Variants in RPSA2 observed in about 807,000 individuals in gnomAD.
RPSA2 encodes ribosomal protein SA 2.
the RPSA2 span, chr19:23,833,444 G>A: frequency 1.2e-5 from 2 of 162,984 alleles, no homozygotes; most frequent in Admixed American, 1.2e-4. Flanking sequence ...TAAACATAAA[G>A]AAAATCATGC....
At chr19:23,807,641 CTT>C in the RPSA2 span, among the ~76,000 whole-genome samples, 1 of 109,830 alleles carries the variant, frequency 9.1e-6, no homozygotes, top group Non-Finnish European at 2.0e-5. Context: ...ATGCCACTCT[CTT>C]TTCTCAGAGT....
chr19:23,870,251 T>G, the RPSA2 span, among the ~76,000 whole-genome samples: 2 of 152,196 alleles, frequency 1.3e-5, no homozygotes, highest in Non-Finnish European at 2.9e-5. Context: ...GCTCAGTATG[T>G]AGAGGACTGG....
At chr19:23,829,506 G>A in the RPSA2 span, among the ~76,000 whole-genome samples, 1 of 152,056 alleles carries the variant, frequency 6.6e-6, no homozygotes. Context: ...TCTCCATGTT[G>A]GTCAGGCTAG....
chr19:23,860,263 C>T, the RPSA2 span, among the ~76,000 whole-genome samples: 2 of 152,190 alleles, frequency 1.3e-5, no homozygotes, highest in Non-Finnish European at 1.5e-5. Context: ...ACACGACCCT[C>T]CCAAACTATA....
chr19:23,791,099 G>A, the RPSA2 span, among the ~76,000 whole-genome samples: 1 of 152,192 alleles, frequency 6.6e-6, no homozygotes, highest in African/African-American at 2.4e-5. Context: ...TCCTGACTCA[G>A]GGTTATTAAA....
the RPSA2 span, among the ~76,000 whole-genome samples, chr19:23,794,793 A>G: frequency 6.6e-6 from 1 of 152,168 alleles, no homozygotes; most frequent in Admixed American, 6.5e-5. Context: ...TTCCTAAATT[A>G]TCTTCCAGGG....
At chr19:23,868,144 G>T in the RPSA2 span, among the ~76,000 whole-genome samples, 30 of 152,322 alleles carry the variant, frequency 2.0e-4, no homozygotes, top group East Asian at 5.6e-3. Context: ...GTGCATTACA[G>T]CAGGGCTTGC....
the RPSA2 span, among the ~76,000 whole-genome samples, chr19:23,867,752 C>A: frequency 6.6e-6 from 1 of 151,020 alleles, no homozygotes; most frequent in African/African-American, 2.4e-5. Flanking sequence ...ATGGCGTGAA[C>A]CCGGGAGGCA....
At chr19:23,818,044 GTTTTC>G in the RPSA2 span, 2 of 152,130 alleles carry the variant, frequency 1.3e-5, no homozygotes, top group African/African-American at 4.8e-5. Context: ...ATAAGGACTA[GTTTTC>G]TTTACATCCT....
chr19:23,823,565 T>C, the RPSA2 span, among the ~76,000 whole-genome samples: 2 of 152,056 alleles, frequency 1.3e-5, no homozygotes, highest in African/African-American at 4.8e-5. Flanking sequence ...CAGTTTTCTC[T>C]CCTAACTGAC....
At chr19:23,838,155 G>T in the RPSA2 span, among the ~76,000 whole-genome samples, 1 of 152,238 alleles carries the variant, frequency 6.6e-6, no homozygotes, top group East Asian at 1.9e-4. Flanking sequence ...ATTATAAAGC[G>T]ATGTTGGATT....
the RPSA2 span, among the ~76,000 whole-genome samples, chr19:23,779,221 C>T: frequency 6.6e-6 from 1 of 151,736 alleles, no homozygotes; most frequent in Non-Finnish European, 1.5e-5. Context: ...AGGATGGTCT[C>T]GATCTCCTGA....
At chr19:23,854,999 G>A in the RPSA2 span, among the ~76,000 whole-genome samples, 2 of 152,190 alleles carry the variant, frequency 1.3e-5, no homozygotes, top group African/African-American at 2.4e-5. Context: ...TTTTTGAACA[G>A]CATCTTGTAA....
At chr19:23,824,598 T>TTTTTTTTTTTTTTTTTTTA in the RPSA2 span, among the ~76,000 whole-genome samples, 1 of 141,652 alleles carries the variant, frequency 7.1e-6, no homozygotes. Flanking sequence ...TTTTTTTTTT[T>TTTTTTTTTTTTTTTTTTTA]TGCAGAGTCT....
At chr19:23,827,887 G>A in the RPSA2 span, 4 of 946,538 alleles carry the variant, frequency 4.2e-6, no homozygotes, top group East Asian at 2.5e-5. Context: ...CTGCTACTCA[G>A]CCTGAGGTTG....
At chr19:23,837,236 AGGGTGTC>A in the RPSA2 span, among the ~76,000 whole-genome samples, 1 of 152,068 alleles carries the variant, frequency 6.6e-6, no homozygotes, top group Non-Finnish European at 1.5e-5. Flanking sequence ...TTTGTTGAAA[AGGGTGTC>A]CTTTCCCCAC....
chr19:23,846,629 A>G, the RPSA2 span, among the ~76,000 whole-genome samples: 3 of 152,164 alleles, frequency 2.0e-5, no homozygotes, highest in South Asian at 6.2e-4. Context: ...AGGTTAATCT[A>G]GCTTGATGTA....
chr19:23,759,051 TAAC>T, the RPSA2 span, among the ~76,000 whole-genome samples: 4 of 152,142 alleles, frequency 2.6e-5, no homozygotes, highest in African/African-American at 7.2e-5. Context: ...GAATGAAGAC[TAAC>T]AACGTAAGTT....
chr19:23,848,749 C>CT, the RPSA2 span, among the ~76,000 whole-genome samples: 1 of 152,198 alleles, frequency 6.6e-6, no homozygotes, highest in East Asian at 1.9e-4. Context: ...AACAGACTGT[C>CT]TTAAATCATT....
Sources: gnomAD v4.1 joint callset for allele counts (sites outside exome capture counted in the v4.1 genomes callset) on GRCh38, gnomAD v4.1.1 for gene constraint, MANE v1.5 for transcripts, NCBI Gene and HGNC (gene_info 2026-07-23, HGNC 2026-07-21) for gene names.